LHFPL4: variants seen among roughly 807,000 people sequenced by gnomAD.
LHFPL4 encodes LHFPL tetraspan subfamily member 4 protein.
LHFPL4 carries 6 observed loss-of-function variants against 20.0 expected under a neutral mutation model. The observed-to-expected ratio is 0.30, with a 90% confidence interval of 0.16 to 0.59. LHFPL4 has a LOEUF of 0.59. Among genes scored for constraint, LHFPL4 ranks in the 20% least tolerant of loss-of-function variants. The probability of loss-of-function intolerance (pLI) is 0.88; values close to 1 mark genes in which losing one functional copy is unlikely to be tolerated. For synonymous variants in LHFPL4, 129 were observed against 143.8 expected, an observed-to-expected ratio of 0.90 and a Z score of 0.74; for missense variants, 215 against 331.2, an observed-to-expected ratio of 0.65 and a Z score of 2.72.
At chr3:9,548,045 ATCAGCCTGCT>A (rs1008698637) in intron 2 of LHFPL4, among the ~76,000 whole-genome samples, 2 of 152,160 alleles carry the variant, frequency 1.3e-5, no homozygotes, top group African/African-American at 4.8e-5. Flanking sequence ...AGCTCAAGTG[ATCAGCCTGCT>A]TCAGCCTCCC....
Position 9,552,720 on chromosome 3 carries a change from G to T in LHFPL4, c.-41C>A, listed in dbSNP as rs901336335. On this transcript the variant is annotated 5_prime_UTR_variant, in exon 2 of 4. Transcript: ENST00000287585. ...GGCCGGCGGCGGCGGCGGCTGGCGG[G>T]GGCCGCCGGCCCGGGACGGAGCGCC... 2.5e-6 allele frequency: 3 copies of T among 1,202,350 alleles called. No individual in the cohort carries two copies. The African/African-American group carries it at 4.8e-5, about 19-fold the overall frequency. 74.5% of individuals were successfully genotyped at this position (1,202,350 alleles called of 1,614,324 possible).
At chr3:9,529,088 G>A (rs2046393407) in intron 2 of LHFPL4, among the ~76,000 whole-genome samples, 1 of 151,602 alleles carries the variant, frequency 6.6e-6, no homozygotes, top group Non-Finnish European at 1.5e-5. Context: ...GAGTGCAGTG[G>A]CACTATCTCA....
intron 3 of LHFPL4, among the ~76,000 whole-genome samples, chr3:9,503,662 C>T (rs2046194924): frequency 6.6e-6 from 1 of 152,168 alleles, no homozygotes; most frequent in Non-Finnish European, 1.5e-5. Context: ...CTGAACCTGG[C>T]CTTTTTTCTT....
chr3:9,545,896 C>CA lies in LHFPL4; in HGVS notation c.406+6377dup, dbSNP rs200775616. 3.5e-4 allele frequency among the ~76,000 whole-genome samples: 52 copies of CA among 149,258 alleles called. No homozygotes were observed. The East Asian group carries it at 0.01, about 30-fold the overall frequency. On this transcript the variant is annotated intron_variant, in intron 2 of 3. Coordinates refer to ENST00000287585, the MANE Select transcript of LHFPL4 (RefSeq NM_198560.3). ...TGCACTCCAGCCTGGACAACAGAGC[C>CA]AGACTCAGTTTCAAATAAAAGAAAA... is the stretch of plus-strand genomic sequence containing the variant.
At chr3:9,539,626 A>G (rs2046465374) in intron 2 of LHFPL4, among the ~76,000 whole-genome samples, 1 of 110,664 alleles carries the variant, frequency 9.0e-6, no homozygotes, top group Non-Finnish European at 1.9e-5. Flanking sequence ...ATTTGCTTAT[A>G]GTAAAAAGAA....
chr3:9,540,613 G>A (rs1050229735), intron 2 of LHFPL4, among the ~76,000 whole-genome samples: 1 of 152,148 alleles, frequency 6.6e-6, no homozygotes, highest in Non-Finnish European at 1.5e-5. Context: ...GACAGCCTGG[G>A]TTGGTCATAG....
intron 2 of LHFPL4, among the ~76,000 whole-genome samples, chr3:9,516,781 CTTTTTTT>C (rs574431292): frequency 8.9e-6 from 1 of 111,896 alleles, no homozygotes; most frequent in African/African-American, 3.6e-5. Context: ...GCCACACAAT[CTTTTTTT>C]TTTTTTTTTT....
chr3:9,544,293 A>T (rs200955280), intron 2 of LHFPL4, among the ~76,000 whole-genome samples: 70 of 99,266 alleles, frequency 7.1e-4, no homozygotes, highest in Middle Eastern at 9.6e-3. Context: ...AATAAAAATT[A>T]AAAAAAAAAA....
At chr3:9,534,686 C>T (rs1317641665) in intron 2 of LHFPL4, among the ~76,000 whole-genome samples, 1 of 152,056 alleles carries the variant, frequency 6.6e-6, no homozygotes, top group Non-Finnish European at 1.5e-5. Context: ...TGGGGTTTGA[C>T]TGCTAGTAAA....
chr3:9,549,805 C>G (rs775766952), intron 2 of LHFPL4, among the ~76,000 whole-genome samples: 1 of 152,196 alleles, frequency 6.6e-6, no homozygotes, highest in Non-Finnish European at 1.5e-5. Context: ...CTGAGGATGA[C>G]TGATTTATCA....
chr3:9,510,237 G>A (rs1459649476), intron 2 of LHFPL4, among the ~76,000 whole-genome samples: 1 of 152,000 alleles, frequency 6.6e-6, no homozygotes, highest in Non-Finnish European at 1.5e-5. Flanking sequence ...GATCACTTGA[G>A]GCCAGGAGTT....
chr3:9,517,021 T>G (rs932200965), intron 2 of LHFPL4, among the ~76,000 whole-genome samples: 12 of 152,014 alleles, frequency 7.9e-5, no homozygotes, highest in Admixed American at 7.2e-4. Context: ...CCTCAGGTGA[T>G]CCGCCTGCCT....
chr3:9,514,836 A>G (rs1423622931), intron 2 of LHFPL4, among the ~76,000 whole-genome samples: 2 of 152,078 alleles, frequency 1.3e-5, no homozygotes, highest in South Asian at 2.1e-4. Flanking sequence ...TTCATAGTTC[A>G]TTTCTTTTTA....
rs191497135 is a variant in LHFPL4 at position 9,528,686 on chromosome 3, G to A, written c.407-22483C>T. On this transcript the variant is annotated intron_variant, in intron 2 of 3. Transcript: ENST00000287585. ...GCTGTAATGCAGTGGCGCAATCTCAGCTCACTGCAACCTCTGTCTCCCGGG... is the reference window on the plus strand; with the variant it reads ...GCTGTAATGCAGTGGCGCAATCTCAACTCACTGCAACCTCTGTCTCCCGGG... Among the ~76,000 whole-genome samples, 235 of 152,288 alleles carry A rather than the reference G, an allele frequency of 1.5e-3. 2 individuals are homozygous for A. The highest frequency in any genetic ancestry group is 5.4e-3 in the African/African-American group (226 of 41,562).
intron 2 of LHFPL4, among the ~76,000 whole-genome samples, chr3:9,520,905 A>C (rs574194132): frequency 8.9e-4 from 136 of 152,238 alleles, no homozygotes; most frequent in African/African-American, 3.1e-3. Context: ...AGTAGTTTAC[A>C]GATATCCATT....
At chr3:9,540,736 T>TAAA (rs201333242) in intron 2 of LHFPL4, among the ~76,000 whole-genome samples, 2 of 149,716 alleles carry the variant, frequency 1.3e-5, no homozygotes, top group African/African-American at 2.5e-5. Context: ...TTTCAAAAAT[T>TAAA]TAAAAAAAAA....
intron 3 of LHFPL4, 35 bp from the exon 4 acceptor site, chr3:9,502,346 A>C: frequency 5.5e-6 from 8 of 1,445,404 alleles, no homozygotes; most frequent in Non-Finnish European, 7.8e-6. Context: ...AGGAGAGAGA[A>C]TTAGAGAAAG....
At chr3:9,516,257 T>C (rs1047858333) in intron 2 of LHFPL4, among the ~76,000 whole-genome samples, 5 of 152,036 alleles carry the variant, frequency 3.3e-5, no homozygotes, top group African/African-American at 9.7e-5. Flanking sequence ...TTTTGAAGAG[T>C]GTAAGGTCTA....
intron 2 of LHFPL4, among the ~76,000 whole-genome samples, chr3:9,522,158 T>A (rs1203460579): frequency 6.6e-6 from 1 of 151,892 alleles, no homozygotes; most frequent in East Asian, 2.0e-4. Flanking sequence ...TACCTTATTA[T>A]TATTGTTATT....
Sources: allele counts gnomAD v4.1 joint callset (sites outside exome capture counted in the v4.1 genomes callset), GRCh38; gene constraint gnomAD v4.1.1; transcripts MANE v1.5; gene names NCBI Gene and HGNC (gene_info 2026-07-23, HGNC 2026-07-21).